SRL: variants seen among roughly 807,000 people sequenced by gnomAD.
SRL encodes the protein sarcalumenin.
Under a neutral mutation model 39.5 loss-of-function variants are expected in SRL, and 23 were observed. The observed-to-expected ratio is 0.58, with a 90% CI of 0.42 to 0.82. The LOEUF (loss-of-function observed/expected upper bound fraction) is 0.82. Ranked by LOEUF, SRL falls within the 40% of genes least tolerant of loss-of-function variation. The pLI, the probability that SRL is intolerant of heterozygous loss-of-function variation, is 0.00. For synonymous variants in SRL, 272 were observed against 237.4 expected (o/e 1.15, Z -1.34); for missense variants, 592 against 607.8 (o/e 0.97, Z 0.27).
chr16:4,200,483 A>G (rs949462946), intron 3 of SRL, among the ~76,000 whole-genome samples: 1 of 152,198 alleles, frequency 6.6e-6, no homozygotes, highest in African/African-American at 2.4e-5. Flanking sequence ...GCCAGAGACT[A>G]GGAGTTAAGA....
At chr16:4,211,999 A>T (rs1371434322) in intron 1 of SRL, among the ~76,000 whole-genome samples, 2 of 152,202 alleles carry the variant, frequency 1.3e-5, no homozygotes, top group African/African-American at 2.4e-5. Flanking sequence ...TTTCCCTGGT[A>T]AAGGTGAGAG....
intron 1 of SRL, among the ~76,000 whole-genome samples, chr16:4,215,063 C>T (rs767754708): frequency 7.9e-5 from 12 of 152,186 alleles, no homozygotes; most frequent in Non-Finnish European, 1.5e-4. Context: ...CCACTGCACC[C>T]GGCCTCTTCC....
At chr16:4,207,107 C>CT in intron 1 of SRL, 1 of 456,198 alleles carries the variant, frequency 2.2e-6, no homozygotes, top group Non-Finnish European at 4.4e-6. Context: ...CCTCCTGGGG[C>CT]TCCGTGGCCT....
intron 1 of SRL, among the ~76,000 whole-genome samples, chr16:4,241,206 C>T (rs542088930): frequency 1.9e-4 from 29 of 152,242 alleles, no homozygotes; most frequent in East Asian, 3.9e-4. Flanking sequence ...AGCATTCCCT[C>T]GGGGAACCTG....
chr16:4,229,453 A>G (rs2052635150), intron 1 of SRL, among the ~76,000 whole-genome samples: 2 of 152,110 alleles, frequency 1.3e-5, no homozygotes, highest in Admixed American at 1.3e-4. Flanking sequence ...CCGTCTCAAA[A>G]AAAAACAAAA....
chr16:4,202,566 A>T (rs886805669), intron 3 of SRL, among the ~76,000 whole-genome samples: 3 of 151,074 alleles, frequency 2.0e-5, no homozygotes, highest in Non-Finnish European at 2.9e-5. Flanking sequence ...GCACTCCAGT[A>T]TGAGTGACAG....
At chr16:4,217,139 G>C (rs1009623913) in intron 1 of SRL, among the ~76,000 whole-genome samples, 1 of 152,202 alleles carries the variant, frequency 6.6e-6, no homozygotes, top group Non-Finnish European at 1.5e-5. Context: ...GCCTGAGCCA[G>C]GCCCACGGCT....
In SRL at chr16:4,192,765, C is replaced by T. The variant is rs748386767; in HGVS notation, c.810G>A (p.Gly270=). Reference sequence around the variant, plus strand: ...GAGGGGCCAAGCTCCAGAAGAGGGCCCCGTAAACCCGCATGAGCATTTGGG... The same window carrying T: ...GAGGGGCCAAGCTCCAGAAGAGGGCTCCGTAAACCCGCATGAGCATTTGGG... ...LATQMLMRVY[G]ALFWSLAPLI... is the part of the protein sequence containing the mutation. Residue 270 remains glycine, a synonymous_variant, in exon 6 of 6, where the codon GGG becomes GGA. Transcript: ENST00000399609. The surrounding 1 kb of genome is among the most constrained non-coding windows in gnomAD (Gnocchi z 4.0). 6.2e-7 allele frequency: 1 copy of T among 1,614,154 alleles called. No individual in the cohort carries two copies. The highest frequency in any genetic ancestry group is 1.1e-5 in the South Asian group (1 of 91,082).
At chr16:4,198,545 A>T (rs1038688048) in intron 3 of SRL, among the ~76,000 whole-genome samples, 1 of 152,094 alleles carries the variant, frequency 6.6e-6, no homozygotes, top group African/African-American at 2.4e-5. Flanking sequence ...GGGCTCAAGC[A>T]ATCCTCCCAC....
chr16:4,194,086 C>G (rs1396951387), intron 5 of SRL, among the ~76,000 whole-genome samples: 1 of 152,216 alleles, frequency 6.6e-6, no homozygotes, highest in Non-Finnish European at 1.5e-5. Flanking sequence ...CACATTCCTG[C>G]ACTGCCCTGT....
chr16:4,226,045 T>C (rs1421067298), intron 1 of SRL, among the ~76,000 whole-genome samples: 1 of 152,168 alleles, frequency 6.6e-6, no homozygotes, highest in African/African-American at 2.4e-5. Flanking sequence ...GACAACCGTC[T>C]GTCTGACTCA....
chr16:4,209,722 G>A (rs1306484459), intron 1 of SRL, among the ~76,000 whole-genome samples: 4 of 152,190 alleles, frequency 2.6e-5, no homozygotes, highest in Non-Finnish European at 5.9e-5. Flanking sequence ...GAGGAGCCCC[G>A]TGGATTGAAA....
At chr16:4,238,526 A>G (rs889120672) in intron 1 of SRL, among the ~76,000 whole-genome samples, 1 of 152,184 alleles carries the variant, frequency 6.6e-6, no homozygotes, top group African/African-American at 2.4e-5. Flanking sequence ...CTGGCCTGCC[A>G]TGAACTCACT....
chr16:4,231,043 C>T (rs150834746), intron 1 of SRL, among the ~76,000 whole-genome samples: 1 of 152,164 alleles, frequency 6.6e-6, no homozygotes, highest in South Asian at 2.1e-4. Flanking sequence ...TTTGGCCAGG[C>T]ACTGTGGCTC....
chr16:4,211,070 G>T (rs964179966), intron 1 of SRL, among the ~76,000 whole-genome samples: 13 of 152,050 alleles, frequency 8.5e-5, no homozygotes, highest in Non-Finnish European at 1.5e-5. Flanking sequence ...AGCATTGGCT[G>T]CATATTGAAA....
chr16:4,201,611 C>T lies in SRL; in HGVS notation c.259+1555G>A, dbSNP rs1458088148. Among the ~76,000 whole-genome samples the T allele has an allele frequency of 2.4e-5, 3 of 123,954 alleles. 1 individual carries two copies. The highest frequency in any genetic ancestry group is 1.1e-4 in the African/African-American group (3 of 27,534). 81.3% of individuals were successfully genotyped at this position (123,954 alleles called of 152,430 possible). A position where few individuals can be genotyped will look rare whatever the true frequency, so the allele number is the denominator to read the frequency against. On this transcript the variant is annotated intron_variant, in intron 3 of 5. Coordinates refer to ENST00000399609, the MANE Select transcript of SRL (RefSeq NM_001098814.2). ...TTTTTAAAAGTGCTATGAGCCATCA[C>T]GCTGGGCCCAATTTTTGTGTGTGTG... is the stretch of plus-strand genomic sequence containing the variant.
rs192658078 is a variant in SRL at position 4,234,699 on chromosome 16, A to G, written c.61+7308T>C. 2.2e-3 allele frequency among the ~76,000 whole-genome samples: 341 copies of G among 152,278 alleles called. 2 individuals are homozygous for G. The highest frequency in any genetic ancestry group is 7.7e-3 in the African/African-American group (321 of 41,504). ...AGGATACCCAGCTAGGGATGAGCAC[A>G]GGGGACTGGGACCTCTCGAGCACTG... On this transcript the variant is annotated intron_variant, in intron 1 of 5. Transcript: ENST00000399609.
intron 1 of SRL, among the ~76,000 whole-genome samples, chr16:4,206,062 A>G (rs7203746): frequency 0.3 from 45,696 of 152,062 alleles, 7,254 homozygotes; most frequent in Middle Eastern, 0.51. Context: ...GTCTAAGTCC[A>G]TGTACTAAGC....
intron 1 of SRL, among the ~76,000 whole-genome samples, chr16:4,234,969 A>G (rs556971683): frequency 1.6e-4 from 24 of 152,302 alleles, no homozygotes; most frequent in African/African-American, 5.5e-4. Flanking sequence ...ATCCTCTGAA[A>G]CACAGACAGA....
Sources: gnomAD v4.1 joint callset for allele counts (sites outside exome capture counted in the v4.1 genomes callset) on GRCh38, gnomAD v4.1.1 for gene constraint, Gnocchi (gnomAD v3.1) non-coding constraint, MANE v1.5 for transcripts, NCBI Gene and HGNC (gene_info 2026-07-23, HGNC 2026-07-21) for gene names.